The following TFAP2A variants were observed in gnomAD, a reference collection of about 807,000 sequenced individuals.
The protein encoded by TFAP2A is transcription factor AP-2-alpha.
A neutral mutation model predicts 41.5 loss-of-function variants in TFAP2A; 7 were observed. The ratio of observed to expected loss-of-function variants is 0.17; its 90% CI spans 0.10 to 0.32. TFAP2A has a LOEUF of 0.32. Ranked by LOEUF, TFAP2A falls within the 10% of genes least tolerant of loss-of-function variation. The probability of loss-of-function intolerance (pLI) is 1.00; values close to 1 mark genes in which losing one functional copy is unlikely to be tolerated. For missense variants in TFAP2A, 416 were observed against 563.3 expected, an observed-to-expected ratio of 0.74 and a Z score of 2.65; for synonymous variants, 247 against 242.8, an observed-to-expected ratio of 1.02 and a Z score of -0.16.
rs1199107159 is a variant in TFAP2A, at chr6:10,398,318, G to A, written c.*99C>T. 8 of 1,600,876 alleles carry A rather than the reference G, an allele frequency of 5.0e-6. No individual in the cohort carries two copies. Among genetic ancestry groups the A allele is most frequent in the Middle Eastern group, 2.1e-4 (1 of 4,774 alleles). ...GGCGGCAGCAGCAGCAGCAGTAGCA[G>A]CAGCAGGAAGGGTTGCTGATCCCGG... is the stretch of plus-strand genomic sequence containing the variant. On this transcript the variant is annotated 3_prime_UTR_variant, in exon 7 of 7. Coordinates refer to ENST00000379613, the MANE Select transcript of TFAP2A (RefSeq NM_001372066.1). This position sits in a 1 kb window ranked among gnomAD's most constrained non-coding sequence, Gnocchi z 5.3.
chr6:10,415,317 G>C, upstream of TFAP2A: 3 of 1,328,388 alleles, frequency 2.3e-6, no homozygotes, highest in Non-Finnish European at 2.9e-6. Context: ...CGCCTCATTA[G>C]CATATCAACA....
intron 3 of TFAP2A, chr6:10,406,312 A>G (rs1369717739): frequency 6.4e-6 from 1 of 156,274 alleles, no homozygotes; most frequent in African/African-American, 2.4e-5. Flanking sequence ...CCTAATTCAC[A>G]AAGTTCTAAG....
At chr6:10,402,131 T>C in intron 5 of TFAP2A, 2 of 369,888 alleles carry the variant, frequency 5.4e-6, no homozygotes, top group Non-Finnish European at 1.1e-5. Flanking sequence ...ATTCAGGAAG[T>C]AATGGTCACG....
intron 6 of TFAP2A, among the ~76,000 whole-genome samples, chr6:10,400,180 A>G (rs1761953921): frequency 1.3e-5 from 2 of 151,456 alleles, no homozygotes; most frequent in South Asian, 4.2e-4. Flanking sequence ...CTTCAGTCAA[A>G]CCCCTCCTAC....
Position 10,396,797 on chromosome 6 carries a change from G to A in TFAP2A, c.*1620C>T, listed in dbSNP as rs2113991609. 1 of 152,652 alleles carries A rather than the reference G, an allele frequency of 6.6e-6. No homozygotes were observed. The highest frequency in any genetic ancestry group is 1.9e-4 in the East Asian group (1 of 5,194). The allele number at this position is 152,652 out of a possible 1,614,324, so 9.5% of individuals were successfully genotyped here. On this transcript the variant is annotated 3_prime_UTR_variant, in exon 7 of 7. Transcript: ENST00000379613. Reference sequence around the variant, plus strand: ...TCTTTTATCCAAAAGAATACATTGGGTTTTATTGTGTCATTTGTCTGAATA... The same window carrying A: ...TCTTTTATCCAAAAGAATACATTGGATTTTATTGTGTCATTTGTCTGAATA...
upstream of TFAP2A, chr6:10,419,362 C>G: frequency 6.3e-7 from 1 of 1,589,972 alleles, no homozygotes; most frequent in Non-Finnish European, 8.6e-7. Context: ...GCTCCGGCCC[C>G]CTCCCCTACT....
intron 1 of TFAP2A, 44 bp from the exon 2 acceptor site, chr6:10,410,379 G>A (rs751299991): frequency 2.6e-6 from 4 of 1,552,066 alleles, no homozygotes; most frequent in African/African-American, 2.7e-5. Flanking sequence ...GGAATCAGGC[G>A]TCGAGCTACA....
Position 10,404,612 on chromosome 6 carries a change from G to C in TFAP2A, c.666C>G (p.Leu222=). 6.2e-7 allele frequency: 1 copy of C among 1,614,206 alleles called. No homozygotes were observed. The highest frequency in any genetic ancestry group is 8.5e-7 in the Non-Finnish European group (1 of 1,180,024). The change falls in exon 4 of 7, where the codon CTC becomes CTG. Residue 222 remains leucine, a synonymous_variant. Coordinates refer to ENST00000379613, the MANE Select transcript of TFAP2A (RefSeq NM_001372066.1). The part of the protein sequence containing the change: ...VFCSVPGRLS[L]LSSTSKYKVT... ...CCTTGTACTTCGAGGTGGAGCTGAGGAGCGAGAGGCGACCCGGAACTGAAC... is the reference window on the plus strand; with the variant it reads ...CCTTGTACTTCGAGGTGGAGCTGAGCAGCGAGAGGCGACCCGGAACTGAAC...
intron 1 of TFAP2A, chr6:10,411,030 G>A: frequency 6.2e-6 from 1 of 160,086 alleles, no homozygotes; most frequent in Non-Finnish European, 1.3e-5. Context: ...AGAGAGAGGT[G>A]CACCCCGGGG....
At chr6:10,406,952 T>C (rs1757742144) in intron 2 of TFAP2A, 108 bp from the exon 3 acceptor site, 1 of 876,556 alleles carries the variant, frequency 1.1e-6, no homozygotes, top group East Asian at 2.4e-5. Context: ...AAATTCCCCC[T>C]CCCGTATAAT....
At chr6:10,419,470 C>T (rs762053754), upstream of TFAP2A, 1 of 1,614,162 alleles carries the variant, frequency 6.2e-7, no homozygotes, top group Admixed American at 1.7e-5. Context: ...GCGCTCCTGG[C>T]GACTGGTCCC....
chr6:10,402,571 T>C lies in TFAP2A; in HGVS notation c.810A>G (p.Lys270=). 6.2e-7 allele frequency: 1 copy of C among 1,614,128 alleles called. No individual in the cohort carries two copies. Among genetic ancestry groups the C allele is most frequent in the Non-Finnish European group, 8.5e-7 (1 of 1,179,972 alleles). ...SKNGGRSLRE[K]LDKIGLNLPA... is the part of the protein sequence containing the mutation. ...GCAGATTTAATCCTATTTTGTCCAG[T>C]TTTTCTCTTAAAGATCTTCCTCCAT... The change falls in exon 5 of 7, where the codon AAA becomes AAG. Residue 270 remains lysine, a synonymous_variant. Transcript: ENST00000379613.
At chr6:10,411,582 AC>A (rs755646771) in intron 1 of TFAP2A, 2 of 1,613,974 alleles carry the variant, frequency 1.2e-6, no homozygotes, top group Non-Finnish European at 1.7e-6. Context: ...TGGCTGAAAA[AC>A]TGTGAACTAA....
intron 5 of TFAP2A, 63 bp downstream of exon 5, chr6:10,402,429 C>G (rs1762045965): frequency 8.4e-7 from 1 of 1,196,404 alleles, no homozygotes; most frequent in African/African-American, 1.5e-5. Flanking sequence ...AACATCTGGC[C>G]ACTAAATATT....
intron 2 of TFAP2A, 65 bp downstream of exon 2, chr6:10,409,836 A>G (rs1166881524): frequency 1.2e-5 from 19 of 1,522,330 alleles, no homozygotes; most frequent in Non-Finnish European, 1.6e-5. Flanking sequence ...TGTTCCAGGT[A>G]TCCTTTCTGG....
upstream of TFAP2A, among the ~76,000 whole-genome samples, chr6:10,417,495 C>T (rs1164651606): frequency 2.6e-5 from 4 of 152,254 alleles, no homozygotes; most frequent in Non-Finnish European, 4.4e-5. Context: ...CGCTAAGTCG[C>T]TTCATTGCAT....
intron 1 of TFAP2A, among the ~76,000 whole-genome samples, chr6:10,413,872 A>G (rs992345765): frequency 5.9e-5 from 9 of 152,074 alleles, no homozygotes; most frequent in Non-Finnish European, 8.8e-5. Flanking sequence ...AAAAGAAAAA[A>G]AAAAAAAACA....
intron 2 of TFAP2A, chr6:10,407,076 G>GT: frequency 1.7e-6 from 1 of 574,082 alleles, no homozygotes; most frequent in East Asian, 2.9e-5. Context: ...AATAATCCAT[G>GT]TTTAAAAGGG....
chr6:10,404,471 C>A, intron 4 of TFAP2A, 37 bp downstream of exon 4: 2 of 1,450,098 alleles, frequency 1.4e-6, no homozygotes, highest in Non-Finnish European at 1.8e-6. Context: ...TTCCCCCGGC[C>A]GCGGGGCGGG....
Sources: allele counts gnomAD v4.1 joint callset (sites outside exome capture counted in the v4.1 genomes callset), GRCh38; gene constraint gnomAD v4.1.1; non-coding constraint Gnocchi (gnomAD v3.1); transcripts MANE v1.5; gene names NCBI Gene and HGNC (gene_info 2026-07-23, HGNC 2026-07-21).